The following ERICH1 variants were observed in gnomAD, a reference collection of about 807,000 sequenced individuals.
The protein encoded by ERICH1 is glutamate rich 1.
A neutral mutation model predicts 39.6 loss-of-function variants in ERICH1; 56 were observed. The ratio of observed to expected loss-of-function variants is 1.41; its 90% CI spans 1.14 to 1.77. The LOEUF (loss-of-function observed/expected upper bound fraction) is 1.77, where lower values mean the gene tolerates loss of function less well. ERICH1 is among the 40% of genes most tolerant of loss of function. The pLI is 0.00. For synonymous variants in ERICH1, 313 were observed against 223.6 expected, an observed-to-expected ratio of 1.40 and a Z score of -3.57; for missense variants, 826 against 575.4, an observed-to-expected ratio of 1.44 and a Z score of -4.45.
rs116791858 is a variant in ERICH1 at position 623,256 on chromosome 8, G to A, written c.977-7972C>T. 1.4e-3 allele frequency among the ~76,000 whole-genome samples: 215 copies of A among 152,274 alleles called. 4 individuals carry two copies. Among genetic ancestry groups the A allele is most frequent in the African/African-American group, 5.0e-3 (209 of 41,564 alleles). On this transcript the variant is annotated intron_variant, in intron 3 of 3. Transcript: ENST00000522706. ...CAAGGGTGGTTTGGCAACAATCAATGTAATAGACACCATATGAATAAAGTA... is the reference window on the plus strand; with the variant it reads ...CAAGGGTGGTTTGGCAACAATCAATATAATAGACACCATATGAATAAAGTA...
At chr8:724,310 T>A (rs1183286667) in intron 1 of ERICH1, among the ~76,000 whole-genome samples, 1 of 152,224 alleles carries the variant, frequency 6.6e-6, no homozygotes, top group Non-Finnish European at 1.5e-5. Flanking sequence ...ATCCGATCTC[T>A]ACAAATAAAA....
At chr8:616,545 T>C (rs1039525431) in intron 3 of ERICH1, 1 of 455,506 alleles carries the variant, frequency 2.2e-6, no homozygotes, top group African/African-American at 2.0e-5. Flanking sequence ...AACACGCACA[T>C]CTGGGAACTG....
At chr8:616,474 C>T (rs1796904309) in intron 3 of ERICH1, 1 of 454,766 alleles carries the variant, frequency 2.2e-6, no homozygotes, top group Non-Finnish European at 4.4e-6. Flanking sequence ...GGCCAACAAA[C>T]CCAGACAGGT....
intron 4 of ERICH1, among the ~76,000 whole-genome samples, chr8:671,614 G>A (rs930264441): frequency 3.0e-5 from 4 of 134,860 alleles, no homozygotes; most frequent in Middle Eastern, 5.0e-3. Context: ...CCCCTGCTCC[G>A]ACCACTGAGC....
chr8:708,118 T>TAA (rs35710228), intron 2 of ERICH1, among the ~76,000 whole-genome samples: 210 of 148,492 alleles, frequency 1.4e-3, no homozygotes, highest in Non-Finnish European at 2.3e-3. Flanking sequence ...GGCTATTATC[T>TAA]AAAAAAAAAA....
At chr8:619,030 G>C (rs1013786624) in intron 3 of ERICH1, among the ~76,000 whole-genome samples, 2 of 152,234 alleles carry the variant, frequency 1.3e-5, no homozygotes, top group East Asian at 3.9e-4. Flanking sequence ...GTAAATCTTA[G>C]TAACAACAGT....
chr8:692,764 A>G, intron 2 of ERICH1, 152 bp from the exon 3 acceptor site: 1 of 959,184 alleles, frequency 1.0e-6, no homozygotes. Flanking sequence ...ATAAATACTG[A>G]TTTTAATATG....
intron 5 of ERICH1, among the ~76,000 whole-genome samples, chr8:665,396 T>G (rs1669895131): frequency 6.6e-6 from 1 of 151,980 alleles, no homozygotes; most frequent in African/African-American, 2.4e-5. Flanking sequence ...AAGGTCAGGT[T>G]TTACAACTTG....
At chr8:652,125 C>T (rs893070879) in intron 3 of ERICH1, among the ~76,000 whole-genome samples, 3 of 152,170 alleles carry the variant, frequency 2.0e-5, no homozygotes, top group African/African-American at 4.8e-5. Context: ...TTCAGACAAG[C>T]GATTGCCCTG....
chr8:674,086 T>C (rs993198273), intron 3 of ERICH1, 39 bp from the exon 4 acceptor site: 3 of 1,502,928 alleles, frequency 2.0e-6, no homozygotes, highest in Non-Finnish European at 1.8e-6. Context: ...TTCAGTACAA[T>C]GAAACCATAA....
intron 4 of ERICH1, 95 bp downstream of exon 4, chr8:673,194 A>G: frequency 2.2e-6 from 3 of 1,369,870 alleles, no homozygotes; most frequent in Non-Finnish European, 2.9e-6. Flanking sequence ...GAATATTTTT[A>G]AAGTATGTTT....
chr8:620,747 C>A (rs1160542970), intron 3 of ERICH1, among the ~76,000 whole-genome samples: 2 of 152,022 alleles, frequency 1.3e-5, no homozygotes, highest in Non-Finnish European at 2.9e-5. Context: ...AATTATAAAC[C>A]CATATGCACC....
rs756072809 is a variant in ERICH1, at chr8:653,181, A to C, written c.976+15417T>G. On this transcript the variant is annotated intron_variant, in intron 3 of 3. Coordinates refer to the ERICH1 transcript ENST00000522706. ...ACAGAGTAACATTATTCTAACAGCC[A>C]AAAGGTGAAAACAGCACCATGTCCA... 4.2e-3 allele frequency among the ~76,000 whole-genome samples: 636 copies of C among 152,384 alleles called. 8 individuals are homozygous for C. Among genetic ancestry groups the C allele is most frequent in the African/African-American group, 0.014 (591 of 41,588 alleles).
intron 3 of ERICH1, among the ~76,000 whole-genome samples, chr8:624,573 G>A: frequency 6.6e-6 from 1 of 151,814 alleles, no homozygotes; most frequent in East Asian, 1.9e-4. Context: ...AGTTCTGCAG[G>A]CTGTACAGGA....
intron 1 of ERICH1, among the ~76,000 whole-genome samples, chr8:720,875 C>G (rs910335876): frequency 2.6e-5 from 4 of 152,156 alleles, no homozygotes; most frequent in African/African-American, 7.2e-5. Context: ...CTGGAATGAG[C>G]CTGAAGCCAC....
At chr8:626,552 A>C (rs1797603050) in intron 3 of ERICH1, 1 of 155,450 alleles carries the variant, frequency 6.4e-6, no homozygotes, top group Admixed American at 6.1e-5. Context: ...CCGGGACAAA[A>C]ACTGAACACA....
intron 5 of ERICH1, among the ~76,000 whole-genome samples, chr8:665,326 C>CT (rs1802036044): frequency 6.6e-6 from 1 of 152,216 alleles, no homozygotes; most frequent in African/African-American, 2.4e-5. Flanking sequence ...GGCCCTGGCT[C>CT]TAACGTCTGT....
intron 3 of ERICH1, among the ~76,000 whole-genome samples, chr8:617,501 T>A (rs1796996146): frequency 6.6e-6 from 1 of 152,204 alleles, no homozygotes; most frequent in African/African-American, 2.4e-5. Flanking sequence ...TCCCTCTGAA[T>A]GCTGAGGGCT....
intron 3 of ERICH1, among the ~76,000 whole-genome samples, chr8:674,465 G>T (rs1272688220): frequency 1.3e-5 from 2 of 152,052 alleles, no homozygotes; most frequent in Admixed American, 6.6e-5. Context: ...ACCATGCCCA[G>T]CTAATTTTTT....
Sources: gnomAD v4.1 joint callset for allele counts (sites outside exome capture counted in the v4.1 genomes callset) on GRCh38, gnomAD v4.1.1 for gene constraint, MANE v1.5 for transcripts, NCBI Gene and HGNC (gene_info 2026-07-23, HGNC 2026-07-21) for gene names.